Variants in CRACDL observed in about 807,000 individuals in gnomAD.
The protein encoded by CRACDL is CRACD like, also known as CRACD-like protein.
A neutral mutation model predicts 70.6 loss-of-function variants in CRACDL; 26 were observed. The ratio of observed to expected loss-of-function variants is 0.37; its 90% CI spans 0.27 to 0.51. CRACDL has a LOEUF of 0.51. Among genes scored for constraint, CRACDL ranks in the 20% least tolerant of loss-of-function variants. The pLI, the probability that CRACDL is intolerant of heterozygous loss-of-function variation, is 0.94. For synonymous variants in CRACDL, 618 were observed against 615.2 expected, an observed-to-expected ratio of 1.00 and a Z score of -0.07; for missense variants, 1,283 against 1,376.9, an observed-to-expected ratio of 0.93 and a Z score of 1.08.
At chr2:98,857,907 C>A (rs959139018) in intron 1 of CRACDL, among the ~76,000 whole-genome samples, 3 of 152,070 alleles carry the variant, frequency 2.0e-5, no homozygotes, top group African/African-American at 7.2e-5. Flanking sequence ...ACAATGATAC[C>A]ATATGCTCAG....
At chr2:98,863,892 G>A (rs942455500) in intron 1 of CRACDL, among the ~76,000 whole-genome samples, 1 of 152,182 alleles carries the variant, frequency 6.6e-6, no homozygotes, top group Non-Finnish European at 1.5e-5. Flanking sequence ...AATGGTGACT[G>A]CCAGGGGCTG....
intron 1 of CRACDL, among the ~76,000 whole-genome samples, chr2:98,873,857 T>A (rs866906890): frequency 6.6e-6 from 1 of 152,078 alleles, no homozygotes; most frequent in Non-Finnish European, 1.5e-5. Context: ...AATACAAAAA[T>A]TAGTTGGGCG....
chr2:98,897,163 G>A (rs993362528), intron 1 of CRACDL, among the ~76,000 whole-genome samples: 52 of 152,134 alleles, frequency 3.4e-4, no homozygotes, highest in African/African-American at 1.0e-3. Flanking sequence ...TCTCCGTCAC[G>A]ATCGTTCTGT....
intron 1 of CRACDL, among the ~76,000 whole-genome samples, chr2:98,889,315 GAAA>G (rs1707896457): frequency 4.3e-5 from 6 of 139,828 alleles, no homozygotes; most frequent in Admixed American, 1.4e-4. Context: ...AAGAAAGAAA[GAAA>G]GAAAGAAAGA....
chr2:98,893,760 C>T (rs1454312757), intron 1 of CRACDL, among the ~76,000 whole-genome samples: 1 of 152,218 alleles, frequency 6.6e-6, no homozygotes, highest in Admixed American at 6.5e-5. Context: ...AAGGAAGTCT[C>T]CCACGTCTAT....
chr2:98,851,598 C>T (rs1241244978), intron 1 of CRACDL, among the ~76,000 whole-genome samples: 1 of 152,184 alleles, frequency 6.6e-6, no homozygotes, highest in African/African-American at 2.4e-5. Flanking sequence ...GCCATCTACC[C>T]TGCATCACCT....
At chr2:98,896,433 A>G (rs1708125909) in intron 1 of CRACDL, among the ~76,000 whole-genome samples, 1 of 152,238 alleles carries the variant, frequency 6.6e-6, no homozygotes, top group Non-Finnish European at 1.5e-5. Flanking sequence ...TCAAAAGGAA[A>G]TAAATCCTGA....
intron 8 of CRACDL, among the ~76,000 whole-genome samples, chr2:98,797,111 T>C (rs1703856106): frequency 6.6e-6 from 1 of 152,238 alleles, no homozygotes; most frequent in Non-Finnish European, 1.5e-5. Flanking sequence ...CACATGCTTC[T>C]CTGCATCCCC....
chr2:98,909,254 T>C (rs114035291), intron 1 of CRACDL, among the ~76,000 whole-genome samples: 4,240 of 152,318 alleles, frequency 0.028, 80 homozygotes, highest in Middle Eastern at 0.065. Flanking sequence ...TCCCTTATGA[T>C]ATTTGCATTT....
chr2:98,936,045 G>C lies in CRACDL; in HGVS notation c.-118C>G, dbSNP rs1321000094. On this transcript the variant is annotated 5_prime_UTR_variant, in exon 1 of 10. Transcript: ENST00000397899. Reference sequence around the variant, plus strand: ...CCGCCGCGGTGCGCGTCTAGCCCCAGCCCAAAGCCGGGGCGACGCAGCAGG... The same window carrying C: ...CCGCCGCGGTGCGCGTCTAGCCCCACCCCAAAGCCGGGGCGACGCAGCAGG... 2.6e-5 allele frequency: 4 copies of C among 151,978 alleles called. No individual in the cohort carries two copies. Among genetic ancestry groups the C allele is most frequent in the African/African-American group, 9.7e-5 (4 of 41,424 alleles). 9.4% of individuals were successfully genotyped at this position (151,978 alleles called of 1,614,324 possible). A position where few individuals can be genotyped will look rare whatever the true frequency, so the allele number is the denominator to read the frequency against.
chr2:98,902,095 CTAGTG>C (rs1403179162), intron 1 of CRACDL, among the ~76,000 whole-genome samples: 1 of 152,162 alleles, frequency 6.6e-6, no homozygotes. Context: ...ACAACCAGGG[CTAGTG>C]ACTCTGACAC....
At chr2:98,918,207 A>G (rs1292091498) in intron 1 of CRACDL, among the ~76,000 whole-genome samples, 1 of 152,142 alleles carries the variant, frequency 6.6e-6, no homozygotes, top group Non-Finnish European at 1.5e-5. Context: ...ACTGTTTTCC[A>G]TACAGCTTGT....
chr2:98,923,670 G>A (rs1708853391), intron 1 of CRACDL, among the ~76,000 whole-genome samples: 1 of 152,216 alleles, frequency 6.6e-6, no homozygotes, highest in Non-Finnish European at 1.5e-5. Context: ...ATATGTGTCA[G>A]ATGTTGAGGT....
chr2:98,912,960 A>G (rs1708580564), intron 1 of CRACDL: 1 of 152,238 alleles, frequency 6.6e-6, no homozygotes, highest in African/African-American at 2.4e-5. Flanking sequence ...CCATATACTC[A>G]TAGCACACAA....
At chr2:98,868,989 T>G in intron 1 of CRACDL, 1 of 700,930 alleles carries the variant, frequency 1.4e-6, no homozygotes, top group Non-Finnish European at 2.2e-6. Flanking sequence ...CCTCAGGGGA[T>G]GGTGGCCACC....
chr2:98,835,248 T>C (rs1292185788), intron 3 of CRACDL, among the ~76,000 whole-genome samples: 1 of 152,268 alleles, frequency 6.6e-6, no homozygotes, highest in Non-Finnish European at 1.5e-5. Flanking sequence ...ATTTCCTAGC[T>C]ATATCCACTG....
intron 1 of CRACDL, among the ~76,000 whole-genome samples, chr2:98,874,050 G>A (rs1707418796): frequency 6.6e-6 from 1 of 152,166 alleles, no homozygotes; most frequent in African/African-American, 2.4e-5. Context: ...GTTTGCTACT[G>A]GTAAGTTCTT....
chr2:98,906,061 A>G (rs1243831387), intron 1 of CRACDL, among the ~76,000 whole-genome samples: 6 of 152,200 alleles, frequency 3.9e-5, no homozygotes, highest in Admixed American at 3.3e-4. Flanking sequence ...CTAAATTCCA[A>G]TTGCACGTGT....
intron 2 of CRACDL, chr2:98,840,820 T>A (rs1705996895): frequency 6.6e-6 from 1 of 152,212 alleles, no homozygotes; most frequent in Non-Finnish European, 1.5e-5. Context: ...GCCCTTTTTA[T>A]GTTTAGTTAT....
Sources: gnomAD v4.1 joint callset for allele counts (sites outside exome capture counted in the v4.1 genomes callset) on GRCh38, gnomAD v4.1.1 for gene constraint, MANE v1.5 for transcripts, NCBI Gene and HGNC (gene_info 2026-07-23, HGNC 2026-07-21) for gene names.